Variants in CLIC6 observed in about 807,000 individuals in gnomAD.
CLIC6 encodes CLIC family member 6.
Under a neutral mutation model 49.2 loss-of-function variants are expected in CLIC6, and 39 were observed. The ratio of observed to expected loss-of-function variants is 0.79; its 90% confidence interval spans 0.61 to 1.04. The LOEUF (loss-of-function observed/expected upper bound fraction) is 1.04. Among genes scored for constraint, CLIC6 ranks in the 50% least tolerant of loss-of-function variants. The probability of loss-of-function intolerance (pLI) is 0.00; values close to 1 mark genes in which losing one functional copy is unlikely to be tolerated. For synonymous variants in CLIC6, 446 were observed against 433.4 expected, an observed-to-expected ratio of 1.03 and a Z score of -0.36; for missense variants, 988 against 993.1, an observed-to-expected ratio of 0.99 and a Z score of 0.07.
At chr21:34,671,647 C>G (rs1989569233) in intron 1 of CLIC6, among the ~76,000 whole-genome samples, 2 of 152,126 alleles carry the variant, frequency 1.3e-5, no homozygotes, top group Admixed American at 1.3e-4. Flanking sequence ...TTTGGCCAGA[C>G]CCAGGAAAGT....
At chr21:34,698,903 T>C (rs2834591) in intron 1 of CLIC6, among the ~76,000 whole-genome samples, 61,438 of 151,528 alleles carry the variant, frequency 0.41, 13,984 homozygotes, top group African/African-American at 0.62. Flanking sequence ...CCGGCAAGAG[T>C]GGCTTCAAAA....
chr21:34,699,751 G>T (rs1051505865), intron 1 of CLIC6, among the ~76,000 whole-genome samples: 28 of 152,310 alleles, frequency 1.8e-4, no homozygotes, highest in African/African-American at 6.5e-4. Flanking sequence ...TACACGTGAA[G>T]TGAGGTTAAG....
At position 34,718,021 on chromosome 21, in the gene CLIC6, T is replaced by A. The variant is rs1342967516; in HGVS notation, c.*1539T>A. The A allele has an allele frequency of 1.3e-5, 2 of 152,630 alleles. No individual in the cohort carries two copies. Among genetic ancestry groups the A allele is most frequent in the Non-Finnish European group, 2.9e-5 (2 of 68,034 alleles). The allele number at this position is 152,630 out of a possible 1,614,324, so 9.5% of individuals were successfully genotyped here. ...GTTTTTGGAGATTGGGTCTAGCACA[T>A]GTCACCCTTGTCCACGTTGTTTCAC... is the stretch of plus-strand genomic sequence containing the variant. On this transcript the variant is annotated 3_prime_UTR_variant, in exon 6 of 6. Coordinates refer to ENST00000349499, the MANE Select transcript of CLIC6 (RefSeq NM_053277.3).
chr21:34,716,291 C>T (rs1455615988), intron 5 of CLIC6, 30 bp from the exon 6 acceptor site: 3 of 1,600,520 alleles, frequency 1.9e-6, no homozygotes, highest in Non-Finnish European at 2.6e-6. Flanking sequence ...CAAGTTTTCC[C>T]TTTACTGATC....
intron 5 of CLIC6, among the ~76,000 whole-genome samples, chr21:34,714,963 A>C (rs2056078131): frequency 6.6e-6 from 1 of 152,268 alleles, no homozygotes; most frequent in Non-Finnish European, 1.5e-5. Context: ...GGACTTCTTA[A>C]CATGAGCATC....
intron 5 of CLIC6, among the ~76,000 whole-genome samples, chr21:34,714,692 CA>C (rs77701951): frequency 0.014 from 1,187 of 85,866 alleles, 16 homozygotes; most frequent in Admixed American, 0.064. Flanking sequence ...CTCAAAAAAA[CA>C]AAAAAAAAAA....
In CLIC6 at chr21:34,679,681, AAG is replaced by A. The variant is rs574119652; in HGVS notation, c.1374+8920_1374+8921del. Among the ~76,000 whole-genome samples, 121 of 152,330 alleles carry A rather than the reference AAG, an allele frequency of 7.9e-4. 2 individuals are homozygous for A. Among genetic ancestry groups the A allele is most frequent in the African/African-American group, 2.6e-3 (109 of 41,562 alleles). On this transcript the variant is annotated intron_variant, in intron 1 of 5. Coordinates refer to ENST00000349499, the MANE Select transcript of CLIC6 (RefSeq NM_053277.3). The stretch of plus-strand genomic sequence containing the variant: ...GGCATTGGGTAAATACACCCACTCC[AAG>A]TGGGAGAAGTTGGCCAAAACAGAGG...
intron 1 of CLIC6, among the ~76,000 whole-genome samples, chr21:34,697,426 C>T (rs1332312196): frequency 6.6e-6 from 1 of 152,148 alleles, no homozygotes; most frequent in Non-Finnish European, 1.5e-5. Flanking sequence ...CTCCCCTCCC[C>T]TTCCCTTCTC....
intron 1 of CLIC6, among the ~76,000 whole-genome samples, chr21:34,678,409 G>A (rs1989714829): frequency 6.6e-6 from 1 of 151,644 alleles, no homozygotes; most frequent in Non-Finnish European, 1.5e-5. Flanking sequence ...ACTCCAGCCT[G>A]GGCAAGAGAG....
intron 1 of CLIC6, among the ~76,000 whole-genome samples, chr21:34,685,152 C>T (rs959712520): frequency 6.6e-6 from 1 of 152,132 alleles, no homozygotes; most frequent in African/African-American, 2.4e-5. Context: ...GTGTAGGATG[C>T]TGCAGTCCAG....
chr21:34,683,019 G>A (rs1202913827), intron 1 of CLIC6, among the ~76,000 whole-genome samples: 1 of 151,682 alleles, frequency 6.6e-6, no homozygotes, highest in Non-Finnish European at 1.5e-5. Context: ...CACCGTGTTA[G>A]CCAAGATGGT....
At chr21:34,671,759 C>A (rs1989571854) in intron 1 of CLIC6, among the ~76,000 whole-genome samples, 1 of 152,152 alleles carries the variant, frequency 6.6e-6, no homozygotes, top group African/African-American at 2.4e-5. Flanking sequence ...ATCTCTCTGG[C>A]TGAAATGCAA....
intron 3 of CLIC6, among the ~76,000 whole-genome samples, chr21:34,708,392 G>A (rs982696711): frequency 2.6e-5 from 4 of 152,074 alleles, no homozygotes; most frequent in African/African-American, 9.7e-5. Flanking sequence ...TTTGGACCTC[G>A]GGGGAGCTAT....
chr21:34,669,591 G>T lies in CLIC6; in HGVS notation c.203G>T (p.Gly68Val). The T allele has an allele frequency of 3.9e-6, 5 of 1,271,298 alleles. No homozygotes were observed. The highest frequency in any genetic ancestry group is 4.9e-6 in the Non-Finnish European group (5 of 1,012,366). 78.8% of individuals were successfully genotyped at this position (1,271,298 alleles called of 1,614,324 possible). The change falls in exon 1 of 6, where the codon GGC becomes GTC. Residue 68 changes from glycine to valine, a missense_variant. Physicochemically the swap from Gly to Val is moderately radical, Grantham distance 109 (BLOSUM62 -3). This residue lies in a region of CLIC6 where 284 missense variants were observed against 278.6 expected (regional missense o/e 1.02). Transcript: ENST00000349499. ...GCAGGAGGCGGCGGGCCAGACAGGG[G>T]CCCGGAGGCCGAGGCGCGGGGCACG... is the stretch of plus-strand genomic sequence containing the variant. ...KEAGGGGPDR[G>V]PEAEARGTRG...
chr21:34,697,736 G>A (rs1263982444), intron 1 of CLIC6, among the ~76,000 whole-genome samples: 1 of 152,222 alleles, frequency 6.6e-6, no homozygotes, highest in East Asian at 1.9e-4. Flanking sequence ...TGGTCACGCA[G>A]TGATTGTCAT....
intron 5 of CLIC6, among the ~76,000 whole-genome samples, chr21:34,713,841 C>A (rs1010680102): frequency 6.6e-6 from 1 of 151,872 alleles, no homozygotes; most frequent in Non-Finnish European, 1.5e-5. Context: ...GAATAAAAAA[C>A]AACCCTTTTT....
At position 34,670,239 on chromosome 21, in the gene CLIC6, G is replaced by A. The variant is rs773958725; in HGVS notation, c.851G>A (p.Gly284Asp). The change falls in exon 1 of 6, where the codon GGT (glycine) becomes GAT (aspartate). Residue 284 changes from glycine (G) to aspartate (D), a missense_variant. This residue lies in a region of CLIC6 where 647 missense variants were observed against 596.9 expected (regional missense o/e 1.08). Transcript: ENST00000349499. ...GPAGDSMDAE[G>D]PAGRARRVSG... ...GCGGGGGACAGCATGGACGCCGAGG[G>A]TCCGGCAGGAAGGGCGCGCCGGGTC... 4.2e-6 allele frequency: 6 copies of A among 1,427,088 alleles called. No individual in the cohort carries two copies. In the African/African-American group the frequency reaches 7.5e-5, roughly 18 times the overall value. The allele number at this position is 1,427,088 out of a possible 1,614,324, so 88.4% of individuals were successfully genotyped here.
rs1361475012 is a variant in CLIC6, at chr21:34,670,462, G to C, written c.1074G>C (p.Arg358Ser). 3.9e-5 allele frequency: 58 copies of C among 1,488,944 alleles called. No homozygotes were observed. Among genetic ancestry groups the C allele is most frequent in the Non-Finnish European group, 5.0e-5 (56 of 1,119,344 alleles). 92.2% of individuals were successfully genotyped at this position (1,488,944 alleles called of 1,614,324 possible). The part of the protein sequence containing the change: ...GDARADAGED[R>S]VGDGPQQEPG... Reference sequence around the variant, plus strand: ...CAAGGGCAGACGCTGGCGAGGACAGGGTAGGGGATGGGCCACAGCAGGAGC... The same window carrying C: ...CAAGGGCAGACGCTGGCGAGGACAGCGTAGGGGATGGGCCACAGCAGGAGC... Residue 358 changes from arginine (R) to serine (S), a missense_variant, in exon 1 of 6, where the codon AGG becomes AGC. By Grantham distance (110) the Arg-to-Ser change is moderately radical. Transcript: ENST00000349499.
In CLIC6 at chr21:34,717,818, C is replaced by T. The variant is rs1030163162; in HGVS notation, c.*1336C>T. ...TAAAGCTCATTTTTAATGTGTACAC[C>T]TGCTCTAGGGACGATTCGTTTGAAA... is the stretch of plus-strand genomic sequence containing the variant. On this transcript the variant is annotated 3_prime_UTR_variant, in exon 6 of 6. Transcript: ENST00000349499. The T allele has an allele frequency of 6.6e-6, 1 of 152,192 alleles. No individual in the cohort carries two copies. The highest frequency in any genetic ancestry group is 2.4e-5 in the African/African-American group (1 of 41,438). The allele number at this position is 152,192 out of a possible 1,614,324, so 9.4% of individuals were successfully genotyped here.
Sources: gnomAD v4.1 joint callset for allele counts (sites outside exome capture counted in the v4.1 genomes callset) on GRCh38, gnomAD v4.1.1 for gene constraint, gnomAD v4.1.1 regional missense constraint, MANE v1.5 for transcripts, NCBI Gene and HGNC (gene_info 2026-07-23, HGNC 2026-07-21) for gene names.